BRINP2: variants seen among roughly 807,000 people sequenced by gnomAD.
BRINP2 encodes the protein BMP/retinoic acid inducible neural specific 2.
A neutral mutation model predicts 69.2 loss-of-function variants in BRINP2; 21 were observed. That is an observed-to-expected ratio of 0.30 (90% CI 0.22 to 0.44). The LOEUF is 0.44. Ranked by LOEUF, BRINP2 falls within the 20% of genes least tolerant of loss-of-function variation. The pLI is 1.00. For synonymous variants in BRINP2, 380 were observed against 394.1 expected (o/e 0.96, Z 0.42); for missense variants, 877 against 986.0 (o/e 0.89, Z 1.48).
rs553807689 is a variant in BRINP2, at chr1:177,256,588, G to A, written c.460+479G>A. 1.0e-5 allele frequency: 10 copies of A among 985,428 alleles called. No individual in the cohort carries two copies. In the East Asian group the frequency reaches 1.0e-3, roughly 101 times the overall value. The allele number at this position is 985,428 out of a possible 1,614,324, so 61.0% of individuals were successfully genotyped here. On this transcript the variant is annotated intron_variant, in intron 3 of 7. Transcript: ENST00000361539. ...ATCATCCTCTTGTGGGGCGGAGAGT[G>A]GGGGTAGGGTGGAGCAATGTGGGCT...
At chr1:177,253,479 G>A (rs181738114) in intron 2 of BRINP2, among the ~76,000 whole-genome samples, 3 of 152,066 alleles carry the variant, frequency 2.0e-5, no homozygotes, top group African/African-American at 4.8e-5. Flanking sequence ...ATTTTCTTCA[G>A]TTCTGTAGGT....
intron 2 of BRINP2, among the ~76,000 whole-genome samples, chr1:177,234,608 A>G (rs1649960861): frequency 6.6e-6 from 1 of 152,210 alleles, no homozygotes; most frequent in African/African-American, 2.4e-5. Context: ...GAAAGAATAC[A>G]TTAACATTGA....
At chr1:177,173,592 C>T (rs1648004107) in intron 1 of BRINP2, among the ~76,000 whole-genome samples, 1 of 152,190 alleles carries the variant, frequency 6.6e-6, no homozygotes, top group African/African-American at 2.4e-5. Flanking sequence ...CAGCATGGGG[C>T]TGGTCTCAAA....
At chr1:177,263,212 C>T (rs1469328384) in intron 4 of BRINP2, among the ~76,000 whole-genome samples, 1 of 152,018 alleles carries the variant, frequency 6.6e-6, no homozygotes, top group Non-Finnish European at 1.5e-5. Flanking sequence ...GAGACTAGAG[C>T]AAGTATGAGT....
chr1:177,208,418 G>A (rs542868907), intron 1 of BRINP2, among the ~76,000 whole-genome samples: 1 of 152,294 alleles, frequency 6.6e-6, no homozygotes, highest in Admixed American at 6.5e-5. Flanking sequence ...AGAATAAGTA[G>A]ATAAGTACTG....
At chr1:177,247,858 C>G (rs1021782112) in intron 2 of BRINP2, among the ~76,000 whole-genome samples, 3 of 152,222 alleles carry the variant, frequency 2.0e-5, no homozygotes, top group African/African-American at 7.2e-5. Context: ...CCTCAGTAAA[C>G]CCAGCCTGGA....
intron 1 of BRINP2, among the ~76,000 whole-genome samples, chr1:177,205,831 T>C (rs1649056515): frequency 6.6e-6 from 1 of 152,234 alleles, no homozygotes; most frequent in Non-Finnish European, 1.5e-5. Context: ...TCTTCTCCTA[T>C]GTGACAGCTA....
chr1:177,209,858 C>T (rs543126732), intron 1 of BRINP2, among the ~76,000 whole-genome samples: 10 of 152,232 alleles, frequency 6.6e-5, no homozygotes, highest in South Asian at 2.1e-4. Context: ...AATAATTCAT[C>T]GCTTTATAGA....
intron 1 of BRINP2, among the ~76,000 whole-genome samples, chr1:177,226,192 A>C (rs894447423): frequency 2.6e-5 from 4 of 152,236 alleles, no homozygotes; most frequent in Non-Finnish European, 1.5e-5. Flanking sequence ...CCATATTGCA[A>C]CACAGGAGAT....
At chr1:177,265,921 C>G (rs1344635032) in intron 4 of BRINP2, among the ~76,000 whole-genome samples, 1 of 151,858 alleles carries the variant, frequency 6.6e-6, no homozygotes, top group African/African-American at 2.4e-5. Context: ...GAGATGGAGA[C>G]CATCCTGGCT....
At chr1:177,247,891 G>A (rs1308972103) in intron 2 of BRINP2, among the ~76,000 whole-genome samples, 1 of 152,210 alleles carries the variant, frequency 6.6e-6, no homozygotes, top group African/African-American at 2.4e-5. Flanking sequence ...AGGAACAAAT[G>A]TCTCCTAGTA....
chr1:177,173,877 C>T (rs1648011562), intron 1 of BRINP2, among the ~76,000 whole-genome samples: 1 of 152,222 alleles, frequency 6.6e-6, no homozygotes, highest in Non-Finnish European at 1.5e-5. Flanking sequence ...TGGGCACTTT[C>T]TGCTGACTGG....
intron 1 of BRINP2, among the ~76,000 whole-genome samples, chr1:177,181,425 T>C (rs1484074572): frequency 6.6e-6 from 1 of 152,182 alleles, no homozygotes; most frequent in African/African-American, 2.4e-5. Flanking sequence ...GACTGGGGCC[T>C]GCCTGTCCCT....
chr1:177,271,517 C>T (rs1651327004), intron 4 of BRINP2, among the ~76,000 whole-genome samples: 1 of 152,206 alleles, frequency 6.6e-6, no homozygotes. Context: ...CCTGTTTCTG[C>T]TACTCAACAG....
At chr1:177,239,288 A>G (rs1040773326) in intron 2 of BRINP2, among the ~76,000 whole-genome samples, 1 of 152,196 alleles carries the variant, frequency 6.6e-6, no homozygotes, top group Non-Finnish European at 1.5e-5. Context: ...GAGTGGGAGG[A>G]AGCCACAGAT....
intron 2 of BRINP2, among the ~76,000 whole-genome samples, chr1:177,242,279 A>C (rs10753148): frequency 0.35 from 53,922 of 151,952 alleles, 10,154 homozygotes; most frequent in South Asian, 0.54. Context: ...TCTGTCCCCC[A>C]AAAATAAAAC....
chr1:177,268,468 CTG>C (rs1424040305), intron 4 of BRINP2, among the ~76,000 whole-genome samples: 1 of 152,216 alleles, frequency 6.6e-6, no homozygotes, highest in Non-Finnish European at 1.5e-5. Context: ...CCCAGCATAT[CTG>C]CCTGTTTCTT....
intron 4 of BRINP2, among the ~76,000 whole-genome samples, chr1:177,265,937 G>A (rs922779917): frequency 6.6e-6 from 1 of 151,820 alleles, no homozygotes; most frequent in Non-Finnish European, 1.5e-5. Flanking sequence ...TGGCTAATAT[G>A]GTGAAACCCT....
At chr1:177,196,178 C>T (rs144830486) in intron 1 of BRINP2, among the ~76,000 whole-genome samples, 47 of 152,252 alleles carry the variant, frequency 3.1e-4, no homozygotes, top group African/African-American at 1.0e-3. Context: ...TGCATTTTAA[C>T]GGATTGCATT....
Sources: gnomAD v4.1 joint callset for allele counts (sites outside exome capture counted in the v4.1 genomes callset) on GRCh38, gnomAD v4.1.1 for gene constraint, MANE v1.5 for transcripts, NCBI Gene and HGNC (gene_info 2026-07-23, HGNC 2026-07-21) for gene names.